The following KIF16B variants were observed in gnomAD, a reference collection of about 807,000 sequenced individuals.
KIF16B encodes the protein kinesin-like protein KIF16B.
KIF16B carries 98 observed loss-of-function variants against 156.3 expected under a neutral mutation model. That is an observed-to-expected ratio of 0.63 (90% CI 0.53 to 0.74). The LOEUF is 0.74. KIF16B is among the 30% of genes least tolerant of loss of function. KIF16B has a pLI of 0.00. For synonymous variants in KIF16B, 564 were observed against 583.7 expected (o/e 0.97, Z 0.49); for missense variants, 1,421 against 1,606.5 (o/e 0.88, Z 1.97).
chr20:16,411,670 A>G (rs1238687192), intron 15 of KIF16B, among the ~76,000 whole-genome samples: 1 of 151,998 alleles, frequency 6.6e-6, no homozygotes, highest in Non-Finnish European at 1.5e-5. Context: ...TGTGGCCTGA[A>G]CATCTGCCAT....
At chr20:16,331,276 A>C (rs2063943745) in intron 24 of KIF16B, among the ~76,000 whole-genome samples, 1 of 152,236 alleles carries the variant, frequency 6.6e-6, no homozygotes. Flanking sequence ...TACCAAAAGA[A>C]AACAAATCTC....
chr20:16,381,860 C>T (rs2065105307), intron 17 of KIF16B, 113 bp from the exon 18 acceptor site: 13 of 879,388 alleles, frequency 1.5e-5, no homozygotes, highest in Admixed American at 5.5e-5. Flanking sequence ...TCAAGTATTA[C>T]TTTTAATTAC....
At chr20:16,343,894 C>A (rs2064184337) in intron 23 of KIF16B, among the ~76,000 whole-genome samples, 1 of 151,740 alleles carries the variant, frequency 6.6e-6, no homozygotes, top group East Asian at 1.9e-4. Context: ...AAAGTGTATC[C>A]TAATAAATAC....
At chr20:16,463,557 C>T (rs75286587) in intron 12 of KIF16B, among the ~76,000 whole-genome samples, 11,060 of 152,074 alleles carry the variant, frequency 0.073, 526 homozygotes, top group African/African-American at 0.13. Context: ...TACACACAAA[C>T]ACACACACAC....
At chr20:16,467,404 A>G (rs891313350) in intron 12 of KIF16B, among the ~76,000 whole-genome samples, 2 of 152,288 alleles carry the variant, frequency 1.3e-5, no homozygotes, top group East Asian at 3.9e-4. Context: ...CAAACTAAAA[A>G]GCAAAACACA....
chr20:16,329,004 C>G (rs921142753), intron 24 of KIF16B, among the ~76,000 whole-genome samples: 1 of 152,030 alleles, frequency 6.6e-6, no homozygotes, highest in Non-Finnish European at 1.5e-5. Context: ...AGAAAGACAC[C>G]CTGTTAAATG....
chr20:16,353,593 G>A (rs1215883549), intron 23 of KIF16B, among the ~76,000 whole-genome samples: 1 of 152,144 alleles, frequency 6.6e-6, no homozygotes, highest in Admixed American at 6.5e-5. Flanking sequence ...GGGGGTTTAT[G>A]ATTCCCATTT....
At chr20:16,343,518 T>TA (rs1426548211) in intron 23 of KIF16B, among the ~76,000 whole-genome samples, 2 of 152,208 alleles carry the variant, frequency 1.3e-5, no homozygotes, top group East Asian at 1.9e-4. Context: ...AGCATATTTT[T>TA]AAAAAAATCT....
intron 1 of KIF16B, among the ~76,000 whole-genome samples, chr20:16,555,411 C>T (rs1417514231): frequency 6.6e-6 from 1 of 152,112 alleles, no homozygotes; most frequent in Non-Finnish European, 1.5e-5. Flanking sequence ...ACATGCATGC[C>T]TCTGCCACAC....
chr20:16,473,348 C>G (rs1044648105), intron 12 of KIF16B, among the ~76,000 whole-genome samples: 3 of 152,184 alleles, frequency 2.0e-5, no homozygotes, highest in Non-Finnish European at 4.4e-5. Context: ...ATTTCTTTTT[C>G]TCTCCCTTTA....
chr20:16,534,101 T>C (rs1357050881), intron 1 of KIF16B, among the ~76,000 whole-genome samples: 1 of 151,892 alleles, frequency 6.6e-6, no homozygotes, highest in Non-Finnish European at 1.5e-5. Context: ...CTACTAAAAA[T>C]ACAAAAATTA....
At chr20:16,281,840 C>T (rs972816557) in intron 25 of KIF16B, among the ~76,000 whole-genome samples, 6 of 152,056 alleles carry the variant, frequency 3.9e-5, no homozygotes, top group African/African-American at 1.4e-4. Context: ...AGAGTCTCTC[C>T]TTGTTCCCAT....
chr20:16,349,293 CCTT>C (rs2064290937), intron 23 of KIF16B, among the ~76,000 whole-genome samples: 1 of 152,212 alleles, frequency 6.6e-6, no homozygotes, highest in African/African-American at 2.4e-5. Flanking sequence ...ACCTACCCCT[CCTT>C]CCTCTACATC....
intron 12 of KIF16B, among the ~76,000 whole-genome samples, chr20:16,453,130 T>C (rs1327644085): frequency 6.8e-6 from 1 of 147,910 alleles, no homozygotes; most frequent in Admixed American, 6.7e-5. Flanking sequence ...ATTACTCAGG[T>C]TTAGTGGTAT....
At chr20:16,338,249 C>T (rs1407018765) in intron 23 of KIF16B, among the ~76,000 whole-genome samples, 4 of 152,176 alleles carry the variant, frequency 2.6e-5, no homozygotes, top group African/African-American at 7.2e-5. Context: ...TTCATCCTAC[C>T]GTGCTGGGAT....
At chr20:16,569,319 A>G (rs1487705969) in intron 1 of KIF16B, among the ~76,000 whole-genome samples, 1 of 152,214 alleles carries the variant, frequency 6.6e-6, no homozygotes, top group East Asian at 1.9e-4. Context: ...TCTACCTGCC[A>G]AGATGGCTGC....
intron 12 of KIF16B, among the ~76,000 whole-genome samples, chr20:16,465,998 G>A (rs1379270164): frequency 6.6e-6 from 1 of 152,164 alleles, no homozygotes; most frequent in Non-Finnish European, 1.5e-5. Flanking sequence ...AATACAAAGG[G>A]TGATGTCTAA....
intron 17 of KIF16B, among the ~76,000 whole-genome samples, chr20:16,401,607 G>A (rs749394386): frequency 6.6e-6 from 1 of 152,098 alleles, no homozygotes; most frequent in Non-Finnish European, 1.5e-5. Context: ...ATAACACAAG[G>A]CCCCTGACCT....
intron 24 of KIF16B, among the ~76,000 whole-genome samples, chr20:16,316,022 T>G (rs971021886): frequency 6.6e-6 from 1 of 152,230 alleles, no homozygotes; most frequent in African/African-American, 2.4e-5. Context: ...CCCTTCCCTC[T>G]GATATAGTAG....
Sources: allele counts gnomAD v4.1 joint callset (sites outside exome capture counted in the v4.1 genomes callset), GRCh38; gene constraint gnomAD v4.1.1; transcripts MANE v1.5; gene names NCBI Gene and HGNC (gene_info 2026-07-23, HGNC 2026-07-21).